The following RHCG variants were observed in gnomAD, a reference collection of about 807,000 sequenced individuals.
The protein encoded by RHCG is Rh family C glycoprotein, also known as ammonium transporter Rh type C.
A neutral mutation model predicts 55.3 loss-of-function variants in RHCG; 39 were observed. That is an observed-to-expected ratio of 0.70 (90% CI 0.55 to 0.92). The LOEUF is 0.92. RHCG is among the 40% of genes least tolerant of loss of function. RHCG has a pLI of 0.00. For synonymous variants in RHCG, 250 were observed against 246.8 expected (o/e 1.01, Z -0.12); for missense variants, 635 against 627.9 (o/e 1.01, Z -0.12).
intron 2 of RHCG, among the ~76,000 whole-genome samples, chr15:89,484,269 G>C (rs1961320546): frequency 6.6e-6 from 1 of 152,176 alleles, no homozygotes; most frequent in Admixed American, 6.5e-5. Flanking sequence ...GCAGGGCCTG[G>C]CTAAATGATC....
rs1961574299 is a variant in RHCG at position 89,496,578 on chromosome 15, CG to C, written c.-35del. On this transcript the variant is annotated 5_prime_UTR_variant, in exon 1 of 11. Transcript: ENST00000268122. ...GGTGCCTGGCCGGGCTGGCAGCGGG[CG>C]GTTCGGACGCTCGGAGGCCGGCGGG... 1 of 1,590,054 alleles carries C rather than the reference CG, an allele frequency of 6.3e-7. No individual in the cohort carries two copies. The highest frequency in any genetic ancestry group is 1.7e-5 in the Admixed American group (1 of 59,042).
intron 3 of RHCG, among the ~76,000 whole-genome samples, chr15:89,481,394 G>T (rs1961264409): frequency 6.6e-6 from 1 of 151,794 alleles, no homozygotes. Flanking sequence ...AGGTTGCAGT[G>T]AGCTGAGATC....
chr15:89,488,804 T>C (rs1007420615), intron 1 of RHCG, among the ~76,000 whole-genome samples: 2 of 151,940 alleles, frequency 1.3e-5, no homozygotes, highest in African/African-American at 4.8e-5. Flanking sequence ...ATGGTCATTA[T>C]TGGGTCCATT....
At position 89,496,383 on chromosome 15, in the gene RHCG, G is replaced by A. The variant is rs75221350; in HGVS notation, c.162C>T (p.Asn54=). Reference sequence around the variant, plus strand: ...TACTTGGGTAGCGATAGTAGAATTCGTTCTCCATGTCGCTCAAGTTCTTGT... The same window carrying A: ...TACTTGGGTAGCGATAGTAGAATTCATTCTCCATGTCGCTCAAGTTCTTGT... ...RTHKNLSDME[N]EFYYRYPSFQ... The change falls in exon 1 of 11, where the codon AAC becomes AAT. Residue 54 remains asparagine (N), a synonymous_variant. Transcript: ENST00000268122. The A allele has an allele frequency of 7.1e-4, 1,141 of 1,613,946 alleles. 4 individuals are homozygous for A. Among genetic ancestry groups the A allele is most frequent in the Non-Finnish European group, 5.6e-4 (663 of 1,179,934 alleles).
At chr15:89,474,702 C>T (rs1159102120) in intron 9 of RHCG, among the ~76,000 whole-genome samples, 2 of 152,252 alleles carry the variant, frequency 1.3e-5, no homozygotes, top group East Asian at 1.9e-4. Flanking sequence ...AACTCAGTTG[C>T]CTGCCTGCTG....
intron 1 of RHCG, among the ~76,000 whole-genome samples, chr15:89,488,857 G>C (rs531669582): frequency 6.6e-6 from 1 of 151,930 alleles, no homozygotes; most frequent in East Asian, 1.9e-4. Context: ...ATATTAATAA[G>C]ATATAAACAG....
chr15:89,489,324 A>G (rs902586919), intron 1 of RHCG, among the ~76,000 whole-genome samples: 1 of 151,646 alleles, frequency 6.6e-6, no homozygotes, highest in African/African-American at 2.4e-5. Flanking sequence ...GGATTTTGCT[A>G]TGTGGGCCAG....
chr15:89,474,525 A>G (rs1280338362), intron 9 of RHCG, among the ~76,000 whole-genome samples: 3 of 152,326 alleles, frequency 2.0e-5, no homozygotes, highest in Non-Finnish European at 4.4e-5. Context: ...GCATCATCCA[A>G]TGGCAGGTGG....
intron 1 of RHCG, among the ~76,000 whole-genome samples, chr15:89,495,203 G>A (rs1422506966): frequency 1.3e-5 from 2 of 152,050 alleles, no homozygotes; most frequent in Non-Finnish European, 2.9e-5. Flanking sequence ...TAACTTTTTG[G>A]CAGCCACTTA....
chr15:89,491,487 C>T (rs149577603), intron 1 of RHCG, among the ~76,000 whole-genome samples: 2 of 152,274 alleles, frequency 1.3e-5, no homozygotes, highest in East Asian at 3.9e-4. Context: ...GATTTTTAGG[C>T]TGGGCGTGGT....
At position 89,479,469 on chromosome 15, in the gene RHCG, C is replaced by T; in HGVS notation, c.690G>A (p.Met230Ile). 1.2e-6 allele frequency: 2 copies of T among 1,613,054 alleles called. No individual in the cohort carries two copies. Among genetic ancestry groups the T allele is most frequent in the South Asian group, 1.1e-5 (1 of 90,838 alleles). Residue 230 changes from methionine to isoleucine, a missense_variant, in exon 5 of 11, where the codon ATG (methionine) becomes ATA (isoleucine). Met to Ile is a conservative substitution (Grantham distance 10). Transcript: ENST00000268122. ...TGGCTGAGTTGAAGCTGGGCCAGTA[C>T]ATCCACAGGAAGAGGGTGCCTGGTC... ...FAMIGTLFLW[M>I]YWPSFNSAIS... is the part of the protein sequence containing the mutation.
At chr15:89,494,893 G>A (rs1961538571) in intron 1 of RHCG, among the ~76,000 whole-genome samples, 1 of 152,040 alleles carries the variant, frequency 6.6e-6, no homozygotes. Flanking sequence ...CTTATGCTCT[G>A]GGGTCAAGTG....
At chr15:89,479,028 A>T (rs779417258) in intron 5 of RHCG, among the ~76,000 whole-genome samples, 3 of 138,464 alleles carry the variant, frequency 2.2e-5, no homozygotes, top group Non-Finnish European at 4.4e-5. Flanking sequence ...TAAACTTGGG[A>T]TGCAGAGGTT....
rs1443979589 is a variant in RHCG at position 89,477,409 on chromosome 15, G to C, written c.1112+108C>G. 1.3e-6 allele frequency: 2 copies of C among 1,489,864 alleles called. No individual in the cohort carries two copies. Among genetic ancestry groups the C allele is most frequent in the Admixed American group, 3.8e-5 (2 of 53,108 alleles). 92.3% of individuals were successfully genotyped at this position (1,489,864 alleles called of 1,614,324 possible). A position where few individuals can be genotyped will look rare whatever the true frequency, so the allele number is the denominator to read the frequency against. The stretch of plus-strand genomic sequence containing the variant: ...CCCATGAAACAATTGGTCCAGAGTG[G>C]GGAAGGAAAGGGAGAAAGATGCAGT... On this transcript the variant is annotated intron_variant, in intron 7 of 10. Coordinates refer to ENST00000268122, the MANE Select transcript of RHCG (RefSeq NM_016321.3). The surrounding 1 kb of genome is among the most constrained non-coding windows in gnomAD (Gnocchi z 4.5).
chr15:89,473,991 T>G (rs1215993355), intron 9 of RHCG, among the ~76,000 whole-genome samples: 2 of 152,256 alleles, frequency 1.3e-5, no homozygotes, highest in Non-Finnish European at 2.9e-5. Context: ...ATAGTTTAAG[T>G]TCTGACTTTC....
rs899269911 is a variant in RHCG, at chr15:89,476,792, G to T, written c.1274C>A (p.Ser425Ter). 3 of 1,614,034 alleles carry T rather than the reference G, an allele frequency of 1.9e-6. No homozygotes were observed. The African/African-American group carries it at 4.0e-5, about 22-fold the overall frequency. ...CGCATCCTCAAAGCAGTTCTCATCT[G>T]AAGGTTGTCCCCAGAATGGTAATCT... ...ILRLPFWGQP[S>*]DENCFEDAVY... The change falls in exon 9 of 11, where the codon TCA becomes TAA. Residue 425 changes from serine to a stop codon, truncating the protein, a stop_gained. Transcript: ENST00000268122. LOFTEE classifies it high-confidence loss of function.
intron 9 of RHCG, among the ~76,000 whole-genome samples, chr15:89,473,563 G>C (rs1257743070): frequency 6.6e-6 from 1 of 151,946 alleles, no homozygotes; most frequent in Non-Finnish European, 1.5e-5. Context: ...GTATCAGCAG[G>C]TTACACCTAT....
At chr15:89,476,605 A>G in intron 9 of RHCG, 150 bp downstream of exon 9, 1 of 654,980 alleles carries the variant, frequency 1.5e-6, no homozygotes, top group Non-Finnish European at 2.7e-6. Flanking sequence ...TCCATGAGAC[A>G]CAGCCTCCCC....
At position 89,483,106 on chromosome 15, in the gene RHCG, G is replaced by A. The variant is rs1360275692; in HGVS notation, c.483C>T (p.Leu161=). The change falls in exon 3 of 11, where the codon CTC becomes CTT. Residue 161 remains leucine, a synonymous_variant. Coordinates refer to ENST00000268122, the MANE Select transcript of RHCG (RefSeq NM_016321.3). ...LLIMTFFQVT[L]FAVNEFILLN... ...GGAGAATGAACTCATTCACAGCGAA[G>A]AGGGTCACTTGGAAGAAAGTCATGA... 1.9e-6 allele frequency: 3 copies of A among 1,606,570 alleles called. No homozygotes were observed. Among genetic ancestry groups the A allele is most frequent in the South Asian group, 1.1e-5 (1 of 90,788 alleles).
Sources: gnomAD v4.1 joint callset for allele counts (sites outside exome capture counted in the v4.1 genomes callset) on GRCh38, gnomAD v4.1.1 for gene constraint, Gnocchi (gnomAD v3.1) non-coding constraint, MANE v1.5 for transcripts, NCBI Gene and HGNC (gene_info 2026-07-23, HGNC 2026-07-21) for gene names.